Variants in GPC5 observed in about 807,000 individuals in gnomAD.
GPC5 encodes the protein glypican-5.
GPC5 carries 47 observed loss-of-function variants against 53.9 expected under a neutral mutation model. The observed-to-expected ratio is 0.87, with a 90% CI of 0.69 to 1.11. The LOEUF (loss-of-function observed/expected upper bound fraction) is 1.11. Among genes scored for constraint, GPC5 ranks in the 50% most tolerant of loss-of-function variants. The probability of loss-of-function intolerance (pLI) is 0.00; values close to 1 mark genes in which losing one functional copy is unlikely to be tolerated. For synonymous variants in GPC5, 286 were observed against 263.3 expected, an observed-to-expected ratio of 1.09 and a Z score of -0.84; for missense variants, 748 against 713.1, an observed-to-expected ratio of 1.05 and a Z score of -0.56.
chr13:92,105,372 G>T (rs775949964), intron 6 of GPC5, among the ~76,000 whole-genome samples: 1 of 152,040 alleles, frequency 6.6e-6, no homozygotes, highest in Non-Finnish European at 1.5e-5. Flanking sequence ...CAAAATAATA[G>T]AGCACTGCAA....
chr13:91,665,385 T>C lies in GPC5; in HGVS notation c.326-27802T>C, dbSNP rs369480268. Reference sequence around the variant, plus strand: ...AATGAGTTCAAGCCCATGTGTGGAATGTGAAAGTTTTTCTGTGCTGGATTT... The same window carrying C: ...AATGAGTTCAAGCCCATGTGTGGAACGTGAAAGTTTTTCTGTGCTGGATTT... On this transcript the variant is annotated intron_variant, in intron 2 of 7. Transcript: ENST00000377067. Among the ~76,000 whole-genome samples, 63 of 152,232 alleles carry C rather than the reference T, an allele frequency of 4.1e-4. 2 individuals carry two copies. The highest frequency in any genetic ancestry group is 3.1e-3 in the Admixed American group (47 of 15,284).
intron 7 of GPC5, among the ~76,000 whole-genome samples, chr13:92,512,247 TGTGC>T (rs1029881044): frequency 5.4e-5 from 7 of 129,624 alleles, no homozygotes; most frequent in African/African-American, 2.0e-4. Context: ...TGTGTGTGTG[TGTGC>T]GCGCGCGCGC....
intron 7 of GPC5, among the ~76,000 whole-genome samples, chr13:92,457,607 T>C (rs7326565): frequency 0.011 from 1,719 of 152,300 alleles, 32 homozygotes; most frequent in African/African-American, 0.039. Flanking sequence ...TAGGATGAAT[T>C]CCAACTCTTC....
chr13:91,997,704 G>C (rs2040516614), intron 6 of GPC5, among the ~76,000 whole-genome samples: 1 of 152,110 alleles, frequency 6.6e-6, no homozygotes, highest in African/African-American at 2.4e-5. Flanking sequence ...CTTTTTAGTA[G>C]AGACGGGGTT....
intron 7 of GPC5, among the ~76,000 whole-genome samples, chr13:92,859,915 G>T (rs1879123611): frequency 6.6e-6 from 1 of 151,992 alleles, no homozygotes; most frequent in Non-Finnish European, 1.5e-5. Context: ...TATAGCATCA[G>T]GAACTGTCAA....
intron 7 of GPC5, among the ~76,000 whole-genome samples, chr13:92,319,537 C>T (rs563373817): frequency 2.5e-4 from 38 of 152,210 alleles, no homozygotes; most frequent in African/African-American, 8.9e-4. Flanking sequence ...GCATGATCCA[C>T]TTAACACACC....
intron 7 of GPC5, among the ~76,000 whole-genome samples, chr13:92,470,781 C>T (rs932418991): frequency 1.2e-4 from 19 of 152,110 alleles, no homozygotes; most frequent in African/African-American, 4.1e-4. Context: ...ATCCTATTAA[C>T]GTGGGTGTAA....
chr13:92,549,813 C>A (rs767179677), intron 7 of GPC5, among the ~76,000 whole-genome samples: 14 of 151,652 alleles, frequency 9.2e-5, no homozygotes, highest in Admixed American at 2.0e-4. Flanking sequence ...ATAAACCTCT[C>A]TTTTAAATAA....
intron 7 of GPC5, among the ~76,000 whole-genome samples, chr13:92,833,685 C>G (rs1878126773): frequency 6.6e-6 from 1 of 152,040 alleles, no homozygotes; most frequent in African/African-American, 2.4e-5. Flanking sequence ...TATGGAAATA[C>G]ATGGTATTAT....
chr13:92,069,357 T>C (rs1302761201), intron 6 of GPC5, among the ~76,000 whole-genome samples: 5 of 152,012 alleles, frequency 3.3e-5, no homozygotes, highest in African/African-American at 1.2e-4. Flanking sequence ...CATCTTACTA[T>C]AAAGTTATGC....
At chr13:92,603,782 C>T (rs902012217) in intron 7 of GPC5, among the ~76,000 whole-genome samples, 1 of 152,114 alleles carries the variant, frequency 6.6e-6, no homozygotes, top group Non-Finnish European at 1.5e-5. Context: ...ATGAAGTTTC[C>T]TTCCTTTGTT....
chr13:92,094,453 G>A (rs1186030364), intron 6 of GPC5, among the ~76,000 whole-genome samples: 1 of 148,968 alleles, frequency 6.7e-6, no homozygotes, highest in Non-Finnish European at 1.5e-5. Flanking sequence ...CCTGGGAGGC[G>A]GAGCTTGCAG....
intron 7 of GPC5, among the ~76,000 whole-genome samples, chr13:92,823,689 C>A (rs1041159884): frequency 9.2e-5 from 14 of 152,116 alleles, no homozygotes; most frequent in Admixed American, 2.6e-4. Flanking sequence ...TTAAAAAATA[C>A]AGTGAGATTA....
intron 7 of GPC5, among the ~76,000 whole-genome samples, chr13:92,513,795 C>G (rs1880670281): frequency 6.6e-6 from 1 of 152,070 alleles, no homozygotes; most frequent in Non-Finnish European, 1.5e-5. Flanking sequence ...TACACATAGC[C>G]TGAAGGTAAT....
chr13:91,964,617 G>A (rs749538177), intron 6 of GPC5, among the ~76,000 whole-genome samples: 12 of 152,090 alleles, frequency 7.9e-5, no homozygotes, highest in African/African-American at 1.4e-4. Context: ...GACATAGAGC[G>A]CTGATTGGTG....
intron 7 of GPC5, among the ~76,000 whole-genome samples, chr13:92,226,013 G>T (rs916018413): frequency 5.3e-5 from 8 of 152,140 alleles, no homozygotes; most frequent in African/African-American, 1.9e-4. Flanking sequence ...GAGGTGATTG[G>T]ATCATGGAGG....
At chr13:92,495,620 G>T (rs1879945149) in intron 7 of GPC5, among the ~76,000 whole-genome samples, 1 of 107,734 alleles carries the variant, frequency 9.3e-6, no homozygotes, top group Non-Finnish European at 1.8e-5. Context: ...CAATCTTTAA[G>T]GAGACTTTTT....
intron 2 of GPC5, among the ~76,000 whole-genome samples, chr13:91,461,174 CT>C (rs972322550): frequency 6.6e-6 from 1 of 152,130 alleles, no homozygotes; most frequent in African/African-American, 2.4e-5. Context: ...GATAATCGAA[CT>C]TTTGCACCTT....
intron 1 of GPC5, among the ~76,000 whole-genome samples, chr13:91,446,288 G>A (rs950658992): frequency 5.9e-5 from 9 of 152,150 alleles, no homozygotes; most frequent in African/African-American, 1.7e-4. Flanking sequence ...AAAGGAAGAC[G>A]TATTAACCAC....
Sources: allele counts gnomAD v4.1 joint callset (sites outside exome capture counted in the v4.1 genomes callset), GRCh38; gene constraint gnomAD v4.1.1; transcripts MANE v1.5; gene names NCBI Gene and HGNC (gene_info 2026-07-23, HGNC 2026-07-21).